The following SULF1 variants were observed in gnomAD, a reference collection of about 807,000 sequenced individuals.
SULF1 encodes the protein extracellular sulfatase Sulf-1.
A neutral mutation model predicts 110.5 loss-of-function variants in SULF1; 46 were observed. The ratio of observed to expected loss-of-function variants is 0.42; its 90% confidence interval spans 0.33 to 0.53. The LOEUF (loss-of-function observed/expected upper bound fraction) is 0.53, where lower values mean the gene tolerates loss of function less well. SULF1 is among the 20% of genes least tolerant of loss of function. The pLI is 0.12. For missense variants in SULF1, 941 were observed against 1,094.2 expected, an observed-to-expected ratio of 0.86 and a Z score of 1.98; for synonymous variants, 371 against 387.1, an observed-to-expected ratio of 0.96 and a Z score of 0.49.
chr8:69,518,090 T>A (rs1307423089), intron 3 of SULF1, among the ~76,000 whole-genome samples: 1 of 152,228 alleles, frequency 6.6e-6, no homozygotes, highest in Non-Finnish European at 1.5e-5. Flanking sequence ...AGTCATTATT[T>A]CTTCAAATAT....
intron 3 of SULF1, among the ~76,000 whole-genome samples, chr8:69,521,754 A>C (rs954985858): frequency 6.6e-6 from 1 of 152,090 alleles, no homozygotes; most frequent in African/African-American, 2.4e-5. Context: ...TTTTGTACAA[A>C]GGAAACATAC....
chr8:69,545,314 T>C (rs1814178495), intron 3 of SULF1, among the ~76,000 whole-genome samples: 1 of 152,208 alleles, frequency 6.6e-6, no homozygotes, highest in Non-Finnish European at 1.5e-5. Context: ...TTAAAGGCCG[T>C]GTTGTCCTAA....
intron 3 of SULF1, among the ~76,000 whole-genome samples, chr8:69,537,065 C>T (rs907193077): frequency 1.6e-4 from 24 of 152,198 alleles, no homozygotes; most frequent in African/African-American, 5.1e-4. Flanking sequence ...TGCATGGTTC[C>T]TGGCTTATAC....
chr8:69,610,481 C>T (rs1808552859), intron 13 of SULF1, among the ~76,000 whole-genome samples: 1 of 152,210 alleles, frequency 6.6e-6, no homozygotes, highest in Admixed American at 6.5e-5. Context: ...ACATCTTCCC[C>T]TGGCTAACCT....
In SULF1 at chr8:69,603,631, C is replaced by T. The variant is rs761408383; in HGVS notation, c.1222C>T (p.Arg408Cys). ...AACAAACAAGAAGGCCAAAATTTGG[C>T]GTGATACATTCCTAGTGGAAAGAGG... ...FRTNKKAKIW[R>C]DTFLVERGKF... Residue 408 changes from arginine (R) to cysteine (C), a missense_variant, in exon 12 of 23, where the codon CGT becomes TGT. Coordinates refer to ENST00000402687, the MANE Select transcript of SULF1 (RefSeq NM_001128205.2). 8.7e-6 allele frequency: 14 copies of T among 1,613,426 alleles called. No homozygotes were observed. Among genetic ancestry groups the T allele is most frequent in the East Asian group, 4.5e-5 (2 of 44,878 alleles).
intron 3 of SULF1, among the ~76,000 whole-genome samples, chr8:69,535,446 A>G (rs1199258717): frequency 6.6e-6 from 1 of 152,078 alleles, no homozygotes; most frequent in Admixed American, 6.5e-5. Context: ...TATGGGAGAG[A>G]GGAGGAGGTG....
rs182015231 is a variant in SULF1, at chr8:69,510,897, G to A, written c.-134+8929G>A. Among the ~76,000 whole-genome samples the A allele has an allele frequency of 1.3e-4, 19 of 151,452 alleles. No homozygotes were observed. The East Asian group carries it at 2.7e-3, about 22-fold the overall frequency. ...CTCCCAAAGTGCTGGGATTACAGGC[G>A]TGAACCACCATGCCCAGCCTGATAA... is the stretch of plus-strand genomic sequence containing the variant. On this transcript the variant is annotated intron_variant, in intron 3 of 22. Transcript: ENST00000402687.
At chr8:69,640,642 G>A (rs1401119389) in intron 21 of SULF1, among the ~76,000 whole-genome samples, 166 bp from the exon 22 acceptor site, 1 of 150,634 alleles carries the variant, frequency 6.6e-6, no homozygotes, top group East Asian at 1.9e-4. Flanking sequence ...CTTTCAATCT[G>A]CATTTTGAAC....
intron 2 of SULF1, among the ~76,000 whole-genome samples, chr8:69,498,372 A>T (rs1381543028): frequency 6.6e-6 from 1 of 152,186 alleles, no homozygotes; most frequent in African/African-American, 2.4e-5. Flanking sequence ...CCAAAACTTG[A>T]ATAAACTCTA....
intron 3 of SULF1, among the ~76,000 whole-genome samples, chr8:69,550,309 C>T (rs551252979): frequency 6.6e-6 from 1 of 151,934 alleles, no homozygotes; most frequent in Non-Finnish European, 1.5e-5. Context: ...ATAGTTCCTA[C>T]TTCATTGGTG....
At chr8:69,593,104 C>T (rs1409677356) in intron 8 of SULF1, 4 of 298,462 alleles carry the variant, frequency 1.3e-5, no homozygotes, top group African/African-American at 2.3e-5. Flanking sequence ...AATGTGGTCT[C>T]CTGCAGGCCC....
chr8:69,579,567 A>C (rs1029657828), intron 6 of SULF1, among the ~76,000 whole-genome samples: 27 of 151,382 alleles, frequency 1.8e-4, no homozygotes, highest in African/African-American at 4.4e-4. Context: ...ACACACACAA[A>C]AAAAAAAAAA....
chr8:69,645,418 G>A (rs1248092217), intron 22 of SULF1, among the ~76,000 whole-genome samples: 1 of 152,136 alleles, frequency 6.6e-6, no homozygotes, highest in Non-Finnish European at 1.5e-5. Context: ...TATATAGGGG[G>A]AAAATGTGCC....
intron 8 of SULF1, among the ~76,000 whole-genome samples, chr8:69,598,090 T>C (rs1807481885): frequency 1.4e-5 from 2 of 143,504 alleles, no homozygotes; most frequent in East Asian, 2.0e-4. Context: ...TACTTTTAGA[T>C]ATGAAGAACT....
chr8:69,645,688 G>A (rs1423648338), intron 22 of SULF1, among the ~76,000 whole-genome samples: 4 of 152,128 alleles, frequency 2.6e-5, no homozygotes, highest in Non-Finnish European at 4.4e-5. Flanking sequence ...GATGGAAAAG[G>A]AAGTCAGTCC....
intron 15 of SULF1, 83 bp downstream of exon 15, chr8:69,624,280 CA>C (rs113807970): frequency 6.7e-7 from 1 of 1,502,072 alleles, no homozygotes; most frequent in Non-Finnish European, 8.9e-7. Context: ...TTGCACTTGG[CA>C]AAAAAGCAGT....
intron 3 of SULF1, among the ~76,000 whole-genome samples, chr8:69,559,911 G>GT (rs1815363152): frequency 6.6e-6 from 1 of 152,060 alleles, no homozygotes; most frequent in Non-Finnish European, 1.5e-5. Flanking sequence ...TTGTTTGTTT[G>GT]TTTTTACTAT....
chr8:69,498,601 G>T (rs766501486), intron 2 of SULF1, among the ~76,000 whole-genome samples: 1 of 152,182 alleles, frequency 6.6e-6, no homozygotes, highest in Admixed American at 6.5e-5. Context: ...ACCACACTAT[G>T]TGGCACAGGT....
At chr8:69,513,342 A>T (rs1383258831) in intron 3 of SULF1, among the ~76,000 whole-genome samples, 1 of 152,210 alleles carries the variant, frequency 6.6e-6, no homozygotes, top group Non-Finnish European at 1.5e-5. Flanking sequence ...ATAAATATTG[A>T]GAAGAACCTC....
Sources: gnomAD v4.1 joint callset for allele counts (sites outside exome capture counted in the v4.1 genomes callset) on GRCh38, gnomAD v4.1.1 for gene constraint, MANE v1.5 for transcripts, NCBI Gene and HGNC (gene_info 2026-07-23, HGNC 2026-07-21) for gene names.